CXCL12: variants seen among roughly 807,000 people sequenced by gnomAD.
The protein encoded by CXCL12 is stromal cell-derived factor 1.
A neutral mutation model predicts 10.7 loss-of-function variants in CXCL12; 4 were observed. The observed-to-expected ratio is 0.37, with a 90% confidence interval of 0.18 to 0.86. CXCL12 has a LOEUF of 0.86. Ranked by LOEUF, CXCL12 falls within the 40% of genes least tolerant of loss-of-function variation. The pLI is 0.43. For missense variants in CXCL12, 122 were observed against 110.4 expected, an observed-to-expected ratio of 1.10 and a Z score of -0.47; for synonymous variants, 54 against 45.4, an observed-to-expected ratio of 1.19 and a Z score of -0.77.
At position 44,385,026 on chromosome 10, in the gene CXCL12, C is replaced by A. The variant is rs1447813498; in HGVS notation, c.-21G>T. On this transcript the variant is annotated 5_prime_UTR_variant, in exon 1 of 3. Transcript: ENST00000343575. ...TTCATGGCGCGGGCGGGCGGGCGGG[C>A]GGGCGGACGAGCGCGGGTCGGGGGC... is the stretch of plus-strand genomic sequence containing the variant. The A allele has an allele frequency of 6.1e-6, 4 of 658,158 alleles. No homozygotes were observed. Among genetic ancestry groups the A allele is most frequent in the Non-Finnish European group, 6.5e-6 (3 of 461,020 alleles). 40.8% of individuals were successfully genotyped at this position (658,158 alleles called of 1,614,324 possible).
At chr10:44,375,901 A>G, downstream of CXCL12, 2 of 1,608,604 alleles carry the variant, frequency 1.2e-6, no homozygotes, top group Non-Finnish European at 1.7e-6. Flanking sequence ...AAGCGCCGAG[A>G]GCAAGTGAAC....
At chr10:44,380,689 G>A in intron 2 of CXCL12, 74 bp downstream of exon 2, 1 of 1,286,414 alleles carries the variant, frequency 7.8e-7, no homozygotes, top group Non-Finnish European at 1.1e-6. Context: ...CCTTTAATAA[G>A]ACTCGGGTTA....
rs1839486777 is a variant in CXCL12, at chr10:44,377,394, C to T, written c.*1239G>A. 15 of 1,072,120 alleles carry T rather than the reference C, an allele frequency of 1.4e-5. No individual in the cohort carries two copies. Among genetic ancestry groups the T allele is most frequent in the East Asian group, 8.8e-5 (1 of 11,318 alleles). 66.4% of individuals were successfully genotyped at this position (1,072,120 alleles called of 1,614,324 possible). ...GAAATACATTTGTTTTCTAAAGAAA[C>T]GTAAAAAAAAATGTGCACAAAAATA... is the stretch of plus-strand genomic sequence containing the variant. On this transcript the variant is annotated 3_prime_UTR_variant, in exon 3 of 3. Transcript: ENST00000343575.
In CXCL12 at chr10:44,377,155, T is replaced by A. The variant is rs1839480369; in HGVS notation, c.*1478A>T. 2.0e-6 allele frequency: 2 copies of A among 985,932 alleles called. No individual in the cohort carries two copies. Among genetic ancestry groups the A allele is most frequent in the Non-Finnish European group, 2.4e-6 (2 of 830,320 alleles). The allele number at this position is 985,932 out of a possible 1,614,324, so 61.1% of individuals were successfully genotyped here. On this transcript the variant is annotated 3_prime_UTR_variant, in exon 3 of 3. Coordinates refer to ENST00000343575, the MANE Select transcript of CXCL12 (RefSeq NM_199168.4). ...TTATACCATGAAACAATTAGCATTT[T>A]ATTGCTAGTGCATATAATGTCACAT...
chr10:44,375,788 G>C, downstream of CXCL12: 1 of 1,434,212 alleles, frequency 7.0e-7, no homozygotes, highest in Non-Finnish European at 9.3e-7. Flanking sequence ...ACAGAAGCCG[G>C]TGTGGCTGGC....
downstream of CXCL12, chr10:44,373,093 T>C (rs1339958062): frequency 3.3e-6 from 5 of 1,535,984 alleles, no homozygotes; most frequent in East Asian, 7.3e-5. Context: ...ATAATGGCCT[T>C]AGTCTAAGCT....
Position 44,377,808 on chromosome 10 carries a change from A to G in CXCL12, c.*825T>C, listed in dbSNP as rs759689928. On this transcript the variant is annotated 3_prime_UTR_variant, in exon 3 of 3. Coordinates refer to ENST00000343575, the MANE Select transcript of CXCL12 (RefSeq NM_199168.4). ...GGAGGAGGCCAAAGACGGATCTCAC[A>G]GAGGGCCCGAGCTGTGGGGCAGGCC... The G allele has an allele frequency of 1.1e-5, 18 of 1,597,608 alleles. No homozygotes were observed. The highest frequency in any genetic ancestry group is 1.4e-5 in the Non-Finnish European group (17 of 1,179,584).
At chr10:44,376,024 C>T, downstream of CXCL12, 1 of 1,612,722 alleles carries the variant, frequency 6.2e-7, no homozygotes, top group East Asian at 2.2e-5. Context: ...TTTTTCTTCT[C>T]TGCGCCCCCT....
chr10:44,375,872 A>G, downstream of CXCL12: 3 of 1,604,422 alleles, frequency 1.9e-6, no homozygotes, highest in Admixed American at 3.4e-5. Flanking sequence ...GTCCTGGAGG[A>G]GGATCGAGCA....
chr10:44,384,019 A>T (rs1839719078), intron 1 of CXCL12, among the ~76,000 whole-genome samples: 1 of 152,240 alleles, frequency 6.6e-6, no homozygotes, highest in Non-Finnish European at 1.5e-5. Context: ...CAGCGCAGCG[A>T]GTTTCTCTTC....
downstream of CXCL12, chr10:44,374,793 G>A (rs1436731428): frequency 1.2e-5 from 5 of 410,396 alleles, no homozygotes; most frequent in African/African-American, 6.1e-5. Context: ...CCCAGGATCC[G>A]GGTGCAGGGT....
chr10:44,371,512 C>A (rs528085245), downstream of CXCL12: 1 of 206,162 alleles, frequency 4.9e-6, no homozygotes, highest in Non-Finnish European at 1.0e-5. Flanking sequence ...ATCCCTCAGG[C>A]TCTATTTTTT....
chr10:44,384,598 G>A (rs992569879), intron 1 of CXCL12, among the ~76,000 whole-genome samples: 4 of 152,236 alleles, frequency 2.6e-5, no homozygotes, highest in African/African-American at 9.6e-5. Flanking sequence ...GCAGTGGGTG[G>A]AGGGTGGGCA....
At chr10:44,373,104 G>C (rs535042274), downstream of CXCL12, 81 of 1,535,132 alleles carry the variant, frequency 5.3e-5, 1 homozygote, top group African/African-American at 1.0e-3. Flanking sequence ...AGTCTAAGCT[G>C]CTACGTGTCG....
rs115754241 is a variant in CXCL12, at chr10:44,381,690, A to T, written c.62-810T>A. ...GGGGCTCCTGCAGAACCCACTGCTC[A>T]CCCTTTAAATATAGGATTGCAAGCC... On this transcript the variant is annotated intron_variant, in intron 1 of 2. Transcript: ENST00000343575. Among the ~76,000 whole-genome samples, 1,311 of 152,294 alleles carry T rather than the reference A, an allele frequency of 8.6e-3. 21 individuals are homozygous for T. Among genetic ancestry groups the T allele is most frequent in the African/African-American group, 0.028 (1,183 of 41,552 alleles).
rs954200482 is a variant in CXCL12, at chr10:44,378,500, T to G, written c.*133A>C. 1 of 1,546,190 alleles carries G rather than the reference T, an allele frequency of 6.5e-7. No individual in the cohort carries two copies. Among genetic ancestry groups the G allele is most frequent in the Non-Finnish European group, 8.7e-7 (1 of 1,145,526 alleles). On this transcript the variant is annotated 3_prime_UTR_variant, in exon 3 of 3. Coordinates refer to ENST00000343575, the MANE Select transcript of CXCL12 (RefSeq NM_199168.4). ...AACCTCAGGCCCGATCCCAGATCAATGTGCCCACCCCACACACACACCTGG... is the reference window on the plus strand; with the variant it reads ...AACCTCAGGCCCGATCCCAGATCAAGGTGCCCACCCCACACACACACCTGG...
intron 1 of CXCL12, among the ~76,000 whole-genome samples, chr10:44,384,475 T>C (rs1486913894): frequency 1.3e-5 from 2 of 152,168 alleles, no homozygotes. Context: ...AGTCGCGGCA[T>C]GAGGCGAACT....
At chr10:44,382,735 T>C (rs1375097675) in intron 1 of CXCL12, among the ~76,000 whole-genome samples, 2 of 152,274 alleles carry the variant, frequency 1.3e-5, no homozygotes, top group East Asian at 3.9e-4. Context: ...AAGCAATTCT[T>C]GCTTCTACTC....
At chr10:44,382,597 G>A (rs188296320) in intron 1 of CXCL12, among the ~76,000 whole-genome samples, 2 of 152,230 alleles carry the variant, frequency 1.3e-5, no homozygotes, top group African/African-American at 4.8e-5. Flanking sequence ...GCCCAGAGGA[G>A]AGAAGCTCCT....
Sources: allele counts gnomAD v4.1 joint callset (sites outside exome capture counted in the v4.1 genomes callset), GRCh38; gene constraint gnomAD v4.1.1; transcripts MANE v1.5; gene names NCBI Gene and HGNC (gene_info 2026-07-23, HGNC 2026-07-21).